KCNN3: variants seen among roughly 807,000 people sequenced by gnomAD.
The protein encoded by KCNN3 is small conductance calcium-activated potassium channel protein 3.
KCNN3 carries 16 observed loss-of-function variants against 62.9 expected under a neutral mutation model. That is an observed-to-expected ratio of 0.25 (90% CI 0.17 to 0.39). The LOEUF is 0.39. Among genes scored for constraint, KCNN3 ranks in the 10% least tolerant of loss-of-function variants. The probability of loss-of-function intolerance (pLI) is 1.00; values close to 1 mark genes in which losing one functional copy is unlikely to be tolerated. For synonymous variants in KCNN3, 370 were observed against 389.2 expected (o/e 0.95, Z 0.58); for missense variants, 599 against 949.4 (o/e 0.63, Z 4.85).
intron 5 of KCNN3, 39 bp downstream of exon 5, chr1:154,725,877 C>A: frequency 6.6e-7 from 1 of 1,523,174 alleles, no homozygotes; most frequent in Non-Finnish European, 9.1e-7. Context: ...CCACTGTGGC[C>A]TTAAGTCCCC....
Position 154,705,560 on chromosome 1 carries a change from AG to A in KCNN3, c.*2415del, listed in dbSNP as rs993623105. ...GACTAGTGTTGCTAGTTTGGTCTTTAGGGTTTACCTAAGTGAGAGCATCAAT... is the reference window on the plus strand; with the variant it reads ...GACTAGTGTTGCTAGTTTGGTCTTTAGGTTTACCTAAGTGAGAGCATCAAT... On this transcript the variant is annotated 3_prime_UTR_variant, in exon 8 of 8. Transcript: ENST00000271915. 2 of 152,124 alleles carry A rather than the reference AG, an allele frequency of 1.3e-5. No individual in the cohort carries two copies. The highest frequency in any genetic ancestry group is 1.3e-4 in the Admixed American group (2 of 15,282). The allele number at this position is 152,124 out of a possible 1,614,324, so 9.4% of individuals were successfully genotyped here.
intron 1 of KCNN3, among the ~76,000 whole-genome samples, chr1:154,841,137 T>C (rs1161086595): frequency 1.3e-5 from 2 of 152,122 alleles, no homozygotes. Context: ...CGGGTAAAGA[T>C]GGGCCGCTGA....
Position 154,739,571 on chromosome 1 carries a change from G to A in KCNN3, c.1449-6427C>T, listed in dbSNP as rs142473429. Among the ~76,000 whole-genome samples the A allele has an allele frequency of 6.8e-4, 104 of 152,262 alleles. 1 individual carries two copies. Among genetic ancestry groups the A allele is most frequent in the East Asian group, 3.9e-3 (20 of 5,186 alleles). ...GGTAGGAAGCTTCTAAAATGACCTC[G>A]ATATCCCCCCTCCTCTTGAGGTCTT... On this transcript the variant is annotated intron_variant, in intron 3 of 7. Transcript: ENST00000271915.
At chr1:154,764,835 T>C (rs1333275385) in intron 3 of KCNN3, among the ~76,000 whole-genome samples, 1 of 152,248 alleles carries the variant, frequency 6.6e-6, no homozygotes, top group Non-Finnish European at 1.5e-5. Flanking sequence ...TGTGAACCAA[T>C]GTCTGCCTTT....
intron 1 of KCNN3, among the ~76,000 whole-genome samples, chr1:154,852,439 C>T (rs1228245115): frequency 6.6e-6 from 1 of 151,184 alleles, no homozygotes; most frequent in Non-Finnish European, 1.5e-5. Flanking sequence ...GACTCGAACT[C>T]CTGGCCTTAA....
intron 5 of KCNN3, among the ~76,000 whole-genome samples, chr1:154,722,248 G>A (rs1373494697): frequency 1.3e-5 from 2 of 152,024 alleles, no homozygotes; most frequent in Non-Finnish European, 1.5e-5. Context: ...TGCATATACC[G>A]GTAAGAGACT....
chr1:154,845,459 G>C (rs1047856357), intron 1 of KCNN3, among the ~76,000 whole-genome samples: 2 of 152,190 alleles, frequency 1.3e-5, no homozygotes, highest in African/African-American at 4.8e-5. Context: ...GAGCAGATCA[G>C]GGAGAGTGAC....
At chr1:154,811,557 C>T (rs1225840193) in intron 2 of KCNN3, among the ~76,000 whole-genome samples, 1 of 152,144 alleles carries the variant, frequency 6.6e-6, no homozygotes, top group Non-Finnish European at 1.5e-5. Flanking sequence ...GCTAACAGGA[C>T]AGGTTTGTAT....
Position 154,845,778 on chromosome 1 carries a change from G to A in KCNN3, c.933+23254C>T, listed in dbSNP as rs79927975. Reference sequence around the variant, plus strand: ...TACACATGCGGAGCCTCCTCCTCTAGACAGATCCTTCTGCATGGGCCCCTT... The same window carrying A: ...TACACATGCGGAGCCTCCTCCTCTAAACAGATCCTTCTGCATGGGCCCCTT... On this transcript the variant is annotated intron_variant, in intron 1 of 7. Coordinates refer to ENST00000271915, the MANE Select transcript of KCNN3 (RefSeq NM_002249.6). 3.3e-3 allele frequency among the ~76,000 whole-genome samples: 509 copies of A among 152,258 alleles called. 3 individuals are homozygous for A. Among genetic ancestry groups the A allele is most frequent in the Admixed American group, 8.2e-3 (126 of 15,302 alleles).
intron 7 of KCNN3, among the ~76,000 whole-genome samples, chr1:154,711,968 A>AAGAG (rs1167900849): frequency 6.7e-6 from 1 of 148,914 alleles, no homozygotes; most frequent in African/African-American, 2.5e-5. Flanking sequence ...AAGGGAGAGG[A>AAGAG]AGAGAGAGAC....
In KCNN3 at chr1:154,698,546, G is replaced by A. The variant is rs1419306741; in HGVS notation, c.*9430C>T. 1 of 152,220 alleles carries A rather than the reference G, an allele frequency of 6.6e-6. No individual in the cohort carries two copies. The highest frequency in any genetic ancestry group is 1.5e-5 in the Non-Finnish European group (1 of 68,058). 9.4% of individuals were successfully genotyped at this position (152,220 alleles called of 1,614,324 possible). ...TCCTTGAGCTTTGAGCACAGCAATG[G>A]AAACCTGGCGACTCTTCCTGGAGCT... On this transcript the variant is annotated 3_prime_UTR_variant, in exon 8 of 8. Transcript: ENST00000271915.
intron 1 of KCNN3, among the ~76,000 whole-genome samples, chr1:154,834,178 C>A (rs891398527): frequency 1.3e-5 from 2 of 152,210 alleles, no homozygotes; most frequent in African/African-American, 4.8e-5. Flanking sequence ...CAGACTGCTG[C>A]CAACCTGCCT....
At chr1:154,845,194 A>G (rs752442294) in intron 1 of KCNN3, among the ~76,000 whole-genome samples, 1 of 152,136 alleles carries the variant, frequency 6.6e-6, no homozygotes, top group Non-Finnish European at 1.5e-5. Flanking sequence ...AACACCTCAG[A>G]ATCCTTCCCA....
chr1:154,713,589 C>G (rs1249961434), intron 6 of KCNN3, 56 bp from the exon 7 acceptor site: 3 of 1,426,674 alleles, frequency 2.1e-6, no homozygotes, highest in Middle Eastern at 1.7e-4. Context: ...AGGTTTAGCC[C>G]CACCAGCAGA....
chr1:154,746,239 C>A (rs374953714), intron 3 of KCNN3, among the ~76,000 whole-genome samples: 1 of 152,140 alleles, frequency 6.6e-6, no homozygotes, highest in Non-Finnish European at 1.5e-5. Context: ...AAAAAAGGGC[C>A]GCGTTACAAT....
intron 3 of KCNN3, among the ~76,000 whole-genome samples, chr1:154,770,559 A>AT (rs1452429628): frequency 2.6e-5 from 4 of 152,298 alleles, no homozygotes; most frequent in East Asian, 3.9e-4. Flanking sequence ...ATTACACAGG[A>AT]TGCTTCACCA....
chr1:154,748,605 C>G (rs1183611388), intron 3 of KCNN3, among the ~76,000 whole-genome samples: 1 of 152,150 alleles, frequency 6.6e-6, no homozygotes, highest in African/African-American at 2.4e-5. Context: ...AAGCTTTATG[C>G]GCATTACTGA....
chr1:154,869,854 TTGC>T lies in KCNN3; in HGVS notation c.108_110del (p.Gln41del), dbSNP rs746772658. On this transcript the variant is annotated inframe_deletion, in exon 1 of 8. Coordinates refer to ENST00000271915, the MANE Select transcript of KCNN3 (RefSeq NM_002249.6). The surrounding 1 kb of genome is among the most constrained non-coding windows in gnomAD (Gnocchi z 6.1). ...CTGGCGGTGGTGGCTGCTGCTGCTGTTGCTGCTGCTGCTGCTGCTGCTGCTCAT... is the reference window on the plus strand; with the variant it reads ...CTGGCGGTGGTGGCTGCTGCTGCTGTTGCTGCTGCTGCTGCTGCTGCTCAT... The T allele has an allele frequency of 5.1e-4, 785 of 1,537,870 alleles. 1 individual carries two copies. Among genetic ancestry groups the T allele is most frequent in the Admixed American group, 1.5e-3 (80 of 54,624 alleles).
intron 3 of KCNN3, among the ~76,000 whole-genome samples, chr1:154,768,186 C>T (rs1362307967): frequency 1.3e-5 from 2 of 152,182 alleles, no homozygotes; most frequent in Non-Finnish European, 2.9e-5. Flanking sequence ...GCATCCTGTC[C>T]ACACTACCCT....
Sources: allele counts gnomAD v4.1 joint callset (sites outside exome capture counted in the v4.1 genomes callset), GRCh38; gene constraint gnomAD v4.1.1; non-coding constraint Gnocchi (gnomAD v3.1); transcripts MANE v1.5; gene names NCBI Gene and HGNC (gene_info 2026-07-23, HGNC 2026-07-21).